HOMER1: variants seen among roughly 807,000 people sequenced by gnomAD.
The protein encoded by HOMER1 is homer protein homolog 1.
Under a neutral mutation model 48.9 loss-of-function variants are expected in HOMER1, and 3 were observed. The ratio of observed to expected loss-of-function variants is 0.06; its 90% CI spans 0.03 to 0.16. The LOEUF (loss-of-function observed/expected upper bound fraction) is 0.16. HOMER1 is among the 10% of genes least tolerant of loss of function. HOMER1 has a pLI of 1.00. For synonymous variants in HOMER1, 134 were observed against 146.4 expected, an observed-to-expected ratio of 0.92 and a Z score of 0.61; for missense variants, 247 against 411.4, an observed-to-expected ratio of 0.60 and a Z score of 3.46.
chr5:79,487,951 T>C (rs1580021744), intron 1 of HOMER1, among the ~76,000 whole-genome samples: 1 of 152,268 alleles, frequency 6.6e-6, no homozygotes, highest in African/African-American at 2.4e-5. Context: ...GAGCCACATG[T>C]TAATAATTGT....
chr5:79,490,431 T>G (rs539383941), intron 1 of HOMER1, among the ~76,000 whole-genome samples: 1 of 152,168 alleles, frequency 6.6e-6, no homozygotes, highest in Admixed American at 6.5e-5. Flanking sequence ...CTTTAACCAA[T>G]AAGATGGCTT....
At chr5:79,507,266 T>G (rs962025613) in intron 1 of HOMER1, among the ~76,000 whole-genome samples, 1 of 146,604 alleles carries the variant, frequency 6.8e-6, no homozygotes, top group Non-Finnish European at 1.5e-5. Flanking sequence ...TTTTACCTAC[T>G]CTTGCAATAC....
Position 79,374,250 on chromosome 5 carries a change from T to C in HOMER1, c.*1759A>G, listed in dbSNP as rs573667584. The C allele has an allele frequency of 1.3e-5, 2 of 152,490 alleles. No individual in the cohort carries two copies. Among genetic ancestry groups the C allele is most frequent in the South Asian group, 2.1e-4 (1 of 4,826 alleles). The allele number at this position is 152,490 out of a possible 1,614,324, so 9.4% of individuals were successfully genotyped here. ...TCTAAATTATTCTCCCTATAATATA[T>C]AGGTGAGGAAAATATCCTAAAATAG... On this transcript the variant is annotated 3_prime_UTR_variant, in exon 9 of 9. Transcript: ENST00000334082.
At chr5:79,429,840 G>A (rs1415351852) in intron 5 of HOMER1, among the ~76,000 whole-genome samples, 8 of 152,090 alleles carry the variant, frequency 5.3e-5, no homozygotes, top group African/African-American at 1.7e-4. Context: ...TGGCTAACAC[G>A]GTGAAACCCC....
rs927328757 is a variant in HOMER1 at position 79,509,874 on chromosome 5, T to C, written c.5+2896A>G. ...ATAAATCCTTATTATAACCTAACAT[T>C]AGTTTAAAAAAAGAAGGTTGTAATA... is the stretch of plus-strand genomic sequence containing the variant. On this transcript the variant is annotated intron_variant, in intron 1 of 8. Transcript: ENST00000334082. 4.6e-5 allele frequency among the ~76,000 whole-genome samples: 7 copies of C among 152,138 alleles called. No homozygotes were observed. The South Asian group carries it at 1.4e-3, about 32-fold the overall frequency.
chr5:79,429,386 G>A (rs1374767325), intron 5 of HOMER1, among the ~76,000 whole-genome samples: 2 of 151,994 alleles, frequency 1.3e-5, no homozygotes, highest in Non-Finnish European at 2.9e-5. Flanking sequence ...AAAAAAGAAA[G>A]TGCAGTACTG....
chr5:79,473,432 C>A (rs896265757), intron 1 of HOMER1, among the ~76,000 whole-genome samples: 2 of 152,110 alleles, frequency 1.3e-5, no homozygotes, highest in Non-Finnish European at 2.9e-5. Context: ...AGATTGGACA[C>A]CCTTGTACTA....
At position 79,397,573 on chromosome 5, in the gene HOMER1, T is replaced by C; in HGVS notation, c.749A>G (p.Asn250Ser). Residue 250 changes from asparagine to serine, a missense_variant, in exon 7 of 9, where the codon AAT (asparagine) becomes AGT (serine). Asn to Ser is a conservative substitution (Grantham distance 46). This residue lies in a region of HOMER1 where 113 missense variants were observed against 152.5 expected (regional missense o/e 0.74). Coordinates refer to ENST00000334082, the MANE Select transcript of HOMER1 (RefSeq NM_004272.5). ...CTCTTCCAGTTCTTGTATTGTCTGA[T>C]TTAATTCTGTCTTATGAGTATGTAC... is the stretch of plus-strand genomic sequence containing the variant. ...NAVHTHKTEL[N>S]QTIQELEETL... is the part of the protein sequence containing the mutation. 6.2e-7 allele frequency: 1 copy of C among 1,610,428 alleles called. No individual in the cohort carries two copies. Among genetic ancestry groups the C allele is most frequent in the Non-Finnish European group, 8.5e-7 (1 of 1,178,184 alleles).
chr5:79,407,198 T>C (rs185154244), intron 5 of HOMER1, among the ~76,000 whole-genome samples: 4 of 151,846 alleles, frequency 2.6e-5, no homozygotes, highest in Non-Finnish European at 4.4e-5. Flanking sequence ...ACTTTCATAA[T>C]AACAGCCTAG....
intron 5 of HOMER1, among the ~76,000 whole-genome samples, chr5:79,426,258 T>C (rs981135814): frequency 1.3e-5 from 2 of 152,010 alleles, no homozygotes; most frequent in African/African-American, 4.8e-5. Flanking sequence ...GATCCAGCAA[T>C]CCCACTGCTG....
At chr5:79,427,685 C>CCCTTCCTTCCTTT (rs1254051858) in intron 5 of HOMER1, among the ~76,000 whole-genome samples, 1 of 71,322 alleles carries the variant, frequency 1.4e-5, no homozygotes, top group Non-Finnish European at 2.5e-5. Flanking sequence ...TTCCTTCCTT[C>CCCTTCCTTCCTTT]CCTTCCTTCC....
intron 1 of HOMER1, among the ~76,000 whole-genome samples, chr5:79,480,213 C>T (rs772354821): frequency 6.6e-6 from 1 of 152,020 alleles, no homozygotes; most frequent in Non-Finnish European, 1.5e-5. Flanking sequence ...AGCAGCAGCA[C>T]TGTTACAAAA....
At chr5:79,397,254 C>A (rs1352689842) in intron 7 of HOMER1, among the ~76,000 whole-genome samples, 1 of 152,062 alleles carries the variant, frequency 6.6e-6, no homozygotes, top group Non-Finnish European at 1.5e-5. Flanking sequence ...CCATTTAACC[C>A]CTAATGATTT....
At chr5:79,493,744 C>T (rs897934843) in intron 1 of HOMER1, among the ~76,000 whole-genome samples, 3 of 152,172 alleles carry the variant, frequency 2.0e-5, no homozygotes, top group Non-Finnish European at 4.4e-5. Context: ...ATTTTAAATA[C>T]ACCTTGCCAC....
At chr5:79,424,677 G>A (rs1369650187) in intron 5 of HOMER1, among the ~76,000 whole-genome samples, 1 of 152,002 alleles carries the variant, frequency 6.6e-6, no homozygotes. Flanking sequence ...CAAAATATTA[G>A]TATCTGGTTA....
chr5:79,442,606 T>G (rs1016536266), intron 4 of HOMER1, among the ~76,000 whole-genome samples: 1 of 152,186 alleles, frequency 6.6e-6, no homozygotes, highest in African/African-American at 2.4e-5. Context: ...GAAATTAAAT[T>G]CCCATTACAG....
chr5:79,465,627 C>CT (rs1415473550), intron 1 of HOMER1, among the ~76,000 whole-genome samples: 2 of 111,180 alleles, frequency 1.8e-5, no homozygotes, highest in African/African-American at 7.7e-5. Context: ...GAGTCTCGCT[C>CT]TGTCGCCCAG....
At chr5:79,393,179 T>C (rs931824146) in intron 8 of HOMER1, among the ~76,000 whole-genome samples, 22 of 151,948 alleles carry the variant, frequency 1.4e-4, no homozygotes, top group African/African-American at 2.2e-4. Context: ...CAAAAACCTA[T>C]TGAAATAAAA....
chr5:79,513,855 G>A lies in HOMER1; in HGVS notation c.-1081C>T, dbSNP rs1308516931. 6.5e-6 allele frequency: 1 copy of A among 153,716 alleles called. No individual in the cohort carries two copies. The highest frequency in any genetic ancestry group is 1.5e-5 in the Non-Finnish European group (1 of 68,800). 9.5% of individuals were successfully genotyped at this position (153,716 alleles called of 1,614,324 possible). A position where few individuals can be genotyped will look rare whatever the true frequency, so the allele number is the denominator to read the frequency against. On this transcript the variant is annotated 5_prime_UTR_variant, in exon 1 of 9. Coordinates refer to ENST00000334082, the MANE Select transcript of HOMER1 (RefSeq NM_004272.5). The stretch of plus-strand genomic sequence containing the variant: ...TGGGGCCAGGAGAGCTGGGCTCGAA[G>A]CCGAAGCGCAGCCGCCGCTCCAGCG...
Sources: gnomAD v4.1 joint callset for allele counts (sites outside exome capture counted in the v4.1 genomes callset) on GRCh38, gnomAD v4.1.1 for gene constraint, gnomAD v4.1.1 regional missense constraint, MANE v1.5 for transcripts, NCBI Gene and HGNC (gene_info 2026-07-23, HGNC 2026-07-21) for gene names.